The following DSCAM variants were observed in gnomAD, a reference collection of about 807,000 sequenced individuals.
The protein encoded by DSCAM is cell adhesion molecule DSCAM.
DSCAM carries 47 observed loss-of-function variants against 217.7 expected under a neutral mutation model. That is an observed-to-expected ratio of 0.22 (90% CI 0.17 to 0.28). The LOEUF (loss-of-function observed/expected upper bound fraction) is 0.28. Among genes scored for constraint, DSCAM ranks in the 10% least tolerant of loss-of-function variants. The pLI is 1.00. For missense variants in DSCAM, 2,080 were observed against 2,618.3 expected, an observed-to-expected ratio of 0.79 and a Z score of 4.49; for synonymous variants, 1,056 against 1,015.3, an observed-to-expected ratio of 1.04 and a Z score of -0.76.
intron 3 of DSCAM, among the ~76,000 whole-genome samples, chr21:40,640,381 C>T (rs185903937): frequency 6.6e-6 from 1 of 152,328 alleles, no homozygotes; most frequent in African/African-American, 2.4e-5. Flanking sequence ...CCCCTCTTGT[C>T]TCTGCCCTTA....
intron 3 of DSCAM, among the ~76,000 whole-genome samples, chr21:40,542,371 G>A (rs756272977): frequency 2.6e-5 from 4 of 152,172 alleles, no homozygotes; most frequent in Non-Finnish European, 5.9e-5. Context: ...TTAGATTAAT[G>A]GTTTTCAAAT....
intron 1 of DSCAM, among the ~76,000 whole-genome samples, chr21:40,816,824 T>A (rs2091885258): frequency 1.3e-5 from 2 of 152,000 alleles, no homozygotes; most frequent in Admixed American, 1.3e-4. Flanking sequence ...GAGACCCAAA[T>A]AATATTTCTA....
At chr21:40,671,459 AG>A (rs1360948914) in intron 3 of DSCAM, among the ~76,000 whole-genome samples, 1 of 152,028 alleles carries the variant, frequency 6.6e-6, no homozygotes, top group Non-Finnish European at 1.5e-5. Flanking sequence ...GTGGATCACG[AG>A]GCCAGGAGTT....
intron 2 of DSCAM, among the ~76,000 whole-genome samples, chr21:40,694,709 G>A (rs1230030703): frequency 6.6e-6 from 1 of 151,874 alleles, no homozygotes; most frequent in Admixed American, 6.6e-5. Flanking sequence ...CCTCCTGCAG[G>A]AGGTCCACTA....
chr21:40,738,044 A>G (rs1459498480), intron 1 of DSCAM, among the ~76,000 whole-genome samples: 2 of 152,176 alleles, frequency 1.3e-5, no homozygotes, highest in Admixed American at 6.5e-5. Context: ...AGTGGGAGGC[A>G]TATGTTTCAT....
At chr21:40,030,023 TAC>T (rs891118046) in intron 32 of DSCAM, among the ~76,000 whole-genome samples, 2 of 152,214 alleles carry the variant, frequency 1.3e-5, no homozygotes, top group Non-Finnish European at 2.9e-5. Flanking sequence ...CGTGCACACA[TAC>T]ACATTCACAC....
At chr21:40,499,738 G>A (rs185262463) in intron 3 of DSCAM, among the ~76,000 whole-genome samples, 78 of 152,284 alleles carry the variant, frequency 5.1e-4, no homozygotes, top group African/African-American at 1.8e-3. Flanking sequence ...AGTCATCCAA[G>A]TGTCTGTGCT....
At chr21:40,493,858 C>A (rs1458761156) in intron 3 of DSCAM, among the ~76,000 whole-genome samples, 1 of 45,986 alleles carries the variant, frequency 2.2e-5, no homozygotes. Context: ...AGCAAAACTC[C>A]ATCTCAAAAA....
At chr21:40,498,180 G>C (rs2076134433) in intron 3 of DSCAM, among the ~76,000 whole-genome samples, 1 of 152,098 alleles carries the variant, frequency 6.6e-6, no homozygotes. Context: ...CACAATGAGA[G>C]TTCAGGACAT....
At chr21:40,315,696 C>T (rs952763004) in intron 8 of DSCAM, among the ~76,000 whole-genome samples, 2 of 152,170 alleles carry the variant, frequency 1.3e-5, no homozygotes, top group African/African-American at 2.4e-5. Flanking sequence ...TCAAGAAGTA[C>T]ACTTCCAAAG....
At chr21:40,321,494 GTGC>G (rs1268529214) in intron 8 of DSCAM, among the ~76,000 whole-genome samples, 2 of 152,088 alleles carry the variant, frequency 1.3e-5, no homozygotes, top group Admixed American at 6.5e-5. Context: ...TGCTGAGAGT[GTGC>G]TGCTATGTAT....
chr21:40,336,739 T>A (rs2074433265), intron 8 of DSCAM, among the ~76,000 whole-genome samples: 1 of 152,234 alleles, frequency 6.6e-6, no homozygotes, highest in Non-Finnish European at 1.5e-5. Flanking sequence ...TCTGGTTTAT[T>A]CACTTGTTTT....
chr21:40,597,263 A>C (rs1273677595), intron 3 of DSCAM, among the ~76,000 whole-genome samples: 3 of 152,182 alleles, frequency 2.0e-5, no homozygotes, highest in Non-Finnish European at 4.4e-5. Flanking sequence ...AGCAATATTC[A>C]CAGGGTAAAG....
intron 11 of DSCAM, among the ~76,000 whole-genome samples, chr21:40,269,199 G>A (rs2073581358): frequency 6.6e-6 from 1 of 152,180 alleles, no homozygotes; most frequent in South Asian, 2.1e-4. Context: ...AGGCAATAAA[G>A]TCCCAGGTGA....
chr21:40,405,680 G>A (rs577001049), intron 3 of DSCAM, among the ~76,000 whole-genome samples: 2 of 152,260 alleles, frequency 1.3e-5, no homozygotes, highest in Non-Finnish European at 2.9e-5. Flanking sequence ...AATGGGGACT[G>A]GACTTGAATA....
intron 28 of DSCAM, among the ~76,000 whole-genome samples, chr21:40,060,447 G>T (rs1383307319): frequency 6.6e-6 from 1 of 152,180 alleles, no homozygotes; most frequent in African/African-American, 2.4e-5. Flanking sequence ...ATGATTTACA[G>T]TTTGGGAGTA....
intron 3 of DSCAM, among the ~76,000 whole-genome samples, chr21:40,649,850 C>T (rs540721813): frequency 6.6e-6 from 1 of 152,284 alleles, no homozygotes; most frequent in East Asian, 1.9e-4. Flanking sequence ...TTTGTCTCAC[C>T]TATTCTGTCA....
At chr21:40,651,648 G>A (rs1017500313) in intron 3 of DSCAM, among the ~76,000 whole-genome samples, 13 of 152,160 alleles carry the variant, frequency 8.5e-5, no homozygotes, top group Non-Finnish European at 1.3e-4. Context: ...TGACCTGTTG[G>A]AAACTCAGTT....
chr21:40,684,221 T>G (rs537116312), intron 3 of DSCAM, among the ~76,000 whole-genome samples: 1 of 150,368 alleles, frequency 6.7e-6, no homozygotes, highest in Non-Finnish European at 1.5e-5. Flanking sequence ...TGAGACTCCA[T>G]CAAAAAAAAA....
Sources: allele counts gnomAD v4.1 joint callset (sites outside exome capture counted in the v4.1 genomes callset), GRCh38; gene constraint gnomAD v4.1.1; transcripts MANE v1.5; gene names NCBI Gene and HGNC (gene_info 2026-07-23, HGNC 2026-07-21).